AMACR: variants seen among roughly 807,000 people sequenced by gnomAD.
The protein encoded by AMACR is alpha-methylacyl-CoA racemase.
In AMACR, 18 loss-of-function variants were observed where a neutral mutation model predicts 22.2. The ratio of observed to expected loss-of-function variants is 0.81; its 90% CI spans 0.56 to 1.20. The LOEUF (loss-of-function observed/expected upper bound fraction) is 1.20. Ranked by LOEUF, AMACR falls within the 50% of genes most tolerant of loss-of-function variation. The pLI is 0.00. For missense variants in AMACR, 499 were observed against 490.6 expected (o/e 1.02, Z -0.16); for synonymous variants, 213 against 191.3 (o/e 1.11, Z -0.94).
At position 33,998,682 on chromosome 5, in the gene AMACR, A is replaced by G. The variant is rs76184600; in HGVS notation, c.698T>C (p.Val233Ala). 6.2e-7 allele frequency: 1 copy of G among 1,613,270 alleles called. No homozygotes were observed. The highest frequency in any genetic ancestry group is 1.1e-5 in the South Asian group (1 of 91,002). ...YRTADGEFMA[V>A]GAIEPQFYEL... ...GTAGAACTGGGGTTCTATTGCTCCA[A>G]CAGCCATGAATTCCCCATCTGCTGT... Residue 233 changes from valine to alanine, a missense_variant, in exon 4 of 5, where the codon GTT becomes GCT. Val to Ala is a moderately conservative substitution (Grantham distance 64). Coordinates refer to ENST00000335606, the MANE Select transcript of AMACR (RefSeq NM_014324.6).
chr5:33,988,353 G>A lies in AMACR; in HGVS notation c.*740C>T. ...GTGTTGGGTATAAGATCCAGAACTT[G>A]CTACCAGCCTGAGGAGAAATCAAAC... On this transcript the variant is annotated 3_prime_UTR_variant, in exon 5 of 5. Coordinates refer to ENST00000335606, the MANE Select transcript of AMACR (RefSeq NM_014324.6). 1.9e-6 allele frequency: 3 copies of A among 1,541,122 alleles called. No individual in the cohort carries two copies. Among genetic ancestry groups the A allele is most frequent in the Non-Finnish European group, 2.6e-6 (3 of 1,148,864 alleles).
At chr5:33,995,910 G>A (rs145802131) in intron 4 of AMACR, among the ~76,000 whole-genome samples, 138 of 152,290 alleles carry the variant, frequency 9.1e-4, no homozygotes, top group Middle Eastern at 3.4e-3. Context: ...TGTGGTGTTA[G>A]AACTTGTGCT....
rs748217747 is a variant in AMACR at position 33,989,485 on chromosome 5, C to T, written c.757G>A (p.Asp253Asn). Residue 253 changes from aspartate to asparagine, a missense_variant, in exon 5 of 5, where the codon GAT becomes AAT. Coordinates refer to ENST00000335606, the MANE Select transcript of AMACR (RefSeq NM_014324.6). ...ATGCTCATCTGATTGGGAAGTTCAT[C>T]AGACTTTAGTCCAAGTCCTGAGGAA... ...LLIKGLGLKSDELPNQMSMDD... is the reference protein window; with the variant it reads ...LLIKGLGLKSNELPNQMSMDD... The T allele has an allele frequency of 2.5e-6, 4 of 1,614,162 alleles. No homozygotes were observed. The highest frequency in any genetic ancestry group is 2.2e-5 in the South Asian group (2 of 91,090).
intron 3 of AMACR, among the ~76,000 whole-genome samples, chr5:34,002,034 T>C (rs1183147609): frequency 6.6e-6 from 1 of 152,232 alleles, no homozygotes; most frequent in Non-Finnish European, 1.5e-5. Context: ...TCTCACTCTG[T>C]CACCCAGGCT....
chr5:33,989,047 A>G lies in AMACR; in HGVS notation c.*46T>C. 1 of 1,612,904 alleles carries G rather than the reference A, an allele frequency of 6.2e-7. No homozygotes were observed. The highest frequency in any genetic ancestry group is 8.5e-7 in the Non-Finnish European group (1 of 1,179,684). ...CATACAATGTTATGTGTTACTCTACACTGTAAATGCAGTATTCAAATTCAC... is the reference window on the plus strand; with the variant it reads ...CATACAATGTTATGTGTTACTCTACGCTGTAAATGCAGTATTCAAATTCAC... On this transcript the variant is annotated 3_prime_UTR_variant, in exon 5 of 5. Coordinates refer to ENST00000335606, the MANE Select transcript of AMACR (RefSeq NM_014324.6).
intron 1 of AMACR, among the ~76,000 whole-genome samples, chr5:34,006,906 C>T (rs1753997381): frequency 1.3e-5 from 2 of 152,214 alleles, no homozygotes; most frequent in Admixed American, 1.3e-4. Flanking sequence ...TGGAGTGATA[C>T]CAGCCCCAAA....
chr5:33,997,262 G>A (rs371133572), intron 4 of AMACR: 3 of 771,768 alleles, frequency 3.9e-6, no homozygotes, highest in Non-Finnish European at 7.2e-6. Flanking sequence ...TATTGGTCCG[G>A]ATTCCCACTA....
Position 33,993,767 on chromosome 5 carries a change from T to A in AMACR, c.740-4265A>T, listed in dbSNP as rs184885570. On this transcript the variant is annotated intron_variant, in intron 4 of 4. Transcript: ENST00000335606. ...TACAAAAATTAGCCGGGCGTGGTGG[T>A]GGGCACCTGTAATCCCAGCTACTCA... Among the ~76,000 whole-genome samples, 82 of 152,074 alleles carry A rather than the reference T, an allele frequency of 5.4e-4. No individual in the cohort carries two copies. In the East Asian group the frequency reaches 0.012, roughly 22 times the overall value.
intron 1 of AMACR, 78 bp from the exon 2 acceptor site, chr5:34,005,977 A>C: frequency 6.6e-7 from 1 of 1,505,750 alleles, no homozygotes; most frequent in Non-Finnish European, 9.2e-7. Context: ...GACAAACATA[A>C]AATAGCACCA....
chr5:33,997,639 A>G lies in AMACR; in HGVS notation c.739+1002T>C, dbSNP rs1753685060. The G allele has an allele frequency of 2.6e-5, 18 of 700,920 alleles. No individual in the cohort carries two copies. In the South Asian group the frequency reaches 2.9e-4, roughly 11 times the overall value. 43.4% of individuals were successfully genotyped at this position (700,920 alleles called of 1,614,324 possible). A position where few individuals can be genotyped will look rare whatever the true frequency, so the allele number is the denominator to read the frequency against. ...GCATCATGAGCAGCCAGAGCTTCCA[A>G]TTTATTTGGAGCAGTGACAAAAGGC... On this transcript the variant is annotated intron_variant, in intron 4 of 4. Transcript: ENST00000335606.
At chr5:33,991,886 C>T (rs1252587849) in intron 4 of AMACR, among the ~76,000 whole-genome samples, 1 of 151,762 alleles carries the variant, frequency 6.6e-6, no homozygotes, top group African/African-American at 2.4e-5. Context: ...TATTTGTTTA[C>T]TTATTTATTT....
chr5:34,003,794 C>A (rs1753889088), intron 3 of AMACR, among the ~76,000 whole-genome samples: 1 of 152,208 alleles, frequency 6.6e-6, no homozygotes, highest in Admixed American at 6.5e-5. Context: ...TCAGCAATAA[C>A]CCAGTCATTG....
chr5:33,998,120 T>A lies in AMACR; in HGVS notation c.739+521A>T, dbSNP rs553640583. Among the ~76,000 whole-genome samples, 5 of 152,370 alleles carry A rather than the reference T, an allele frequency of 3.3e-5. No individual in the cohort carries two copies. The East Asian group carries it at 9.6e-4, about 29-fold the overall frequency. On this transcript the variant is annotated intron_variant, in intron 4 of 4. Transcript: ENST00000335606. Reference sequence around the variant, plus strand: ...GATCCCAAATTTTCTTGCTAATTTATGACAACTTGCCAAGCAGGCAAGAAT... The same window carrying A: ...GATCCCAAATTTTCTTGCTAATTTAAGACAACTTGCCAAGCAGGCAAGAAT...
At chr5:33,991,131 A>G (rs1753460722) in intron 4 of AMACR, among the ~76,000 whole-genome samples, 1 of 152,214 alleles carries the variant, frequency 6.6e-6, no homozygotes, top group South Asian at 2.1e-4. Context: ...GCTAGAGCCA[A>G]TGTGTTCTCT....
At chr5:34,001,167 G>A (rs1045877193) in intron 3 of AMACR, among the ~76,000 whole-genome samples, 7 of 152,146 alleles carry the variant, frequency 4.6e-5, no homozygotes, top group South Asian at 2.1e-4. Flanking sequence ...CAGGGAAACC[G>A]CAGCCTCAAT....
At chr5:33,997,570 G>C in intron 4 of AMACR, 1 of 770,426 alleles carries the variant, frequency 1.3e-6, no homozygotes, top group East Asian at 2.4e-5. Flanking sequence ...ATCTTCATCA[G>C]ACTGCAGGTG....
chr5:33,999,492 G>T (rs190919358), intron 3 of AMACR, among the ~76,000 whole-genome samples: 6 of 152,092 alleles, frequency 3.9e-5, no homozygotes, highest in Admixed American at 2.0e-4. Context: ...ATCTCATCAC[G>T]CCACCTTCCC....
chr5:33,990,410 C>T (rs568810212), intron 4 of AMACR, among the ~76,000 whole-genome samples: 1 of 152,340 alleles, frequency 6.6e-6, no homozygotes, highest in African/African-American at 2.4e-5. Flanking sequence ...GGGGACTTAA[C>T]AGGAAAGGTG....
At chr5:33,996,327 A>G (rs1753633709) in intron 4 of AMACR, among the ~76,000 whole-genome samples, 2 of 152,006 alleles carry the variant, frequency 1.3e-5, no homozygotes, top group East Asian at 3.9e-4. Context: ...TTTTTTTGCA[A>G]CTCCTGAGAA....
Sources: allele counts gnomAD v4.1 joint callset (sites outside exome capture counted in the v4.1 genomes callset), GRCh38; gene constraint gnomAD v4.1.1; transcripts MANE v1.5; gene names NCBI Gene and HGNC (gene_info 2026-07-23, HGNC 2026-07-21).